Variants in LMX1A observed in about 807,000 individuals in gnomAD.
LMX1A encodes the protein LIM homeobox transcription factor 1 alpha, also known as LIM homeobox transcription factor 1-alpha.
In LMX1A, 15 loss-of-function variants were observed where a neutral mutation model predicts 49.1. That is an observed-to-expected ratio of 0.31 (90% CI 0.20 to 0.47). LMX1A has a LOEUF of 0.47. Among genes scored for constraint, LMX1A ranks in the 20% least tolerant of loss-of-function variants. The probability of loss-of-function intolerance (pLI) is 1.00; values close to 1 mark genes in which losing one functional copy is unlikely to be tolerated. For synonymous variants in LMX1A, 167 were observed against 185.7 expected (o/e 0.90, Z 0.82); for missense variants, 372 against 475.8 (o/e 0.78, Z 2.03).
chr1:165,323,153 G>A (rs1010306880), intron 3 of LMX1A, among the ~76,000 whole-genome samples: 4 of 151,974 alleles, frequency 2.6e-5, no homozygotes, highest in Admixed American at 1.3e-4. Context: ...ATTTCTTTAC[G>A]TGTAAAATGA....
At chr1:165,207,334 T>C (rs12742667) in intron 7 of LMX1A, 39,893 of 152,014 alleles carry the variant, frequency 0.26, 5,592 homozygotes, top group South Asian at 0.33. Flanking sequence ...TTAACTTCCA[T>C]GAAGTCTCCC....
chr1:165,225,841 C>G (rs958177329), intron 4 of LMX1A, among the ~76,000 whole-genome samples: 6 of 152,198 alleles, frequency 3.9e-5, no homozygotes, highest in African/African-American at 1.4e-4. Flanking sequence ...CTTTCCCCAC[C>G]CCTACACTCC....
At chr1:165,287,071 T>TC (rs566990847) in intron 3 of LMX1A, among the ~76,000 whole-genome samples, 2 of 152,002 alleles carry the variant, frequency 1.3e-5, no homozygotes, top group African/African-American at 4.8e-5. Context: ...ATCAAAACAG[T>TC]CCCCTATTAT....
chr1:165,307,982 G>C (rs1654968768), intron 3 of LMX1A, among the ~76,000 whole-genome samples: 1 of 152,128 alleles, frequency 6.6e-6, no homozygotes, highest in Admixed American at 6.5e-5. Context: ...TAAATGTTGA[G>C]TCAGAACAAT....
intron 4 of LMX1A, among the ~76,000 whole-genome samples, chr1:165,225,694 C>A (rs962374935): frequency 2.0e-5 from 3 of 152,234 alleles, no homozygotes; most frequent in Admixed American, 2.0e-4. Flanking sequence ...GGTGAAAACA[C>A]AAGTTGCTGA....
At chr1:165,212,496 A>C (rs1651448035) in intron 5 of LMX1A, among the ~76,000 whole-genome samples, 1 of 126,042 alleles carries the variant, frequency 7.9e-6, no homozygotes, top group Non-Finnish European at 1.6e-5. Context: ...TTTGTTGGGA[A>C]CCATGGTGAC....
intron 3 of LMX1A, among the ~76,000 whole-genome samples, chr1:165,302,209 G>C (rs908052475): frequency 1.3e-5 from 2 of 151,822 alleles, no homozygotes; most frequent in South Asian, 2.1e-4. Context: ...AGGCCGGTGG[G>C]GGGCGGGGTG....
chr1:165,237,452 C>T (rs1203236114), intron 4 of LMX1A, among the ~76,000 whole-genome samples: 1 of 152,114 alleles, frequency 6.6e-6, no homozygotes, highest in Non-Finnish European at 1.5e-5. Flanking sequence ...CTCCTGATCT[C>T]GTGATCCGCC....
chr1:165,290,810 G>A (rs1028309775), intron 3 of LMX1A, among the ~76,000 whole-genome samples: 1 of 152,168 alleles, frequency 6.6e-6, no homozygotes, highest in African/African-American at 2.4e-5. Flanking sequence ...TTTTGGAAAG[G>A]TAAATTCTTG....
At chr1:165,269,938 T>C (rs2101694408) in intron 3 of LMX1A, among the ~76,000 whole-genome samples, 1 of 152,112 alleles carries the variant, frequency 6.6e-6, no homozygotes, top group South Asian at 2.1e-4. Flanking sequence ...AGCTAATGAA[T>C]GCTGGGCTTA....
intron 3 of LMX1A, among the ~76,000 whole-genome samples, chr1:165,296,468 C>G (rs1654625369): frequency 6.6e-6 from 1 of 152,218 alleles, no homozygotes; most frequent in Non-Finnish European, 1.5e-5. Context: ...TTCTGTGTGC[C>G]CAATTGCATG....
chr1:165,277,332 C>T (rs1039742680), intron 3 of LMX1A, among the ~76,000 whole-genome samples: 1 of 152,182 alleles, frequency 6.6e-6, no homozygotes, highest in Non-Finnish European at 1.5e-5. Context: ...CCTCCCCACT[C>T]TCCACCAGGG....
intron 3 of LMX1A, among the ~76,000 whole-genome samples, chr1:165,268,094 G>A (rs1033527160): frequency 1.3e-5 from 2 of 152,154 alleles, no homozygotes; most frequent in Non-Finnish European, 2.9e-5. Flanking sequence ...AAGTAAATGA[G>A]AGGGAGATCA....
rs146291824 is a variant in LMX1A, at chr1:165,207,078, C to T, written c.817+985G>A. Among the ~76,000 whole-genome samples, 352 of 152,288 alleles carry T rather than the reference C, an allele frequency of 2.3e-3. 4 individuals are homozygous for T. Among genetic ancestry groups the T allele is most frequent in the African/African-American group, 7.7e-3 (318 of 41,554 alleles). On this transcript the variant is annotated intron_variant, in intron 7 of 8. Coordinates refer to ENST00000342310, the MANE Select transcript of LMX1A (RefSeq NM_177398.4). ...CAAAGTGTGGTCCACAGACTAGCAG[C>T]AATGGCACCACCAAAAAGCTTGTTA...
intron 4 of LMX1A, among the ~76,000 whole-genome samples, chr1:165,215,481 AC>A (rs2102605933): frequency 6.6e-6 from 1 of 152,270 alleles, no homozygotes; most frequent in East Asian, 1.9e-4. Context: ...CCTTCTGGCC[AC>A]TTCAAGAAAG....
intron 4 of LMX1A, among the ~76,000 whole-genome samples, chr1:165,248,451 A>ATGC (rs35503912): frequency 0.25 from 37,549 of 152,012 alleles, 5,297 homozygotes; most frequent in East Asian, 0.56. Flanking sequence ...GATAAGATGA[A>ATGC]TGCTGAGCTG....
At chr1:165,208,552 G>A (rs1651197338) in intron 6 of LMX1A, among the ~76,000 whole-genome samples, 1 of 152,188 alleles carries the variant, frequency 6.6e-6, no homozygotes, top group African/African-American at 2.4e-5. Context: ...CTGTCTGCTG[G>A]CCCTTAAGAT....
At chr1:165,291,966 G>T (rs1362357201) in intron 3 of LMX1A, among the ~76,000 whole-genome samples, 1 of 150,330 alleles carries the variant, frequency 6.7e-6, no homozygotes, top group African/African-American at 2.4e-5. Context: ...GGAGGCTGAG[G>T]CAGGAGAATG....
At chr1:165,255,791 T>C (rs1571182521) in intron 3 of LMX1A, among the ~76,000 whole-genome samples, 2 of 152,078 alleles carry the variant, frequency 1.3e-5, no homozygotes, top group East Asian at 3.9e-4. Flanking sequence ...CTGGCCAACA[T>C]GGTGAAACCC....
Sources: allele counts gnomAD v4.1 joint callset (sites outside exome capture counted in the v4.1 genomes callset), GRCh38; gene constraint gnomAD v4.1.1; transcripts MANE v1.5; gene names NCBI Gene and HGNC (gene_info 2026-07-23, HGNC 2026-07-21).